Variants in GPRC5A observed in about 807,000 individuals in gnomAD.
GPRC5A encodes the protein retinoic acid-induced protein 3.
A neutral mutation model predicts 22.5 loss-of-function variants in GPRC5A; 19 were observed. The observed-to-expected ratio is 0.85, with a 90% CI of 0.59 to 1.24. The LOEUF (loss-of-function observed/expected upper bound fraction) is 1.24. GPRC5A is among the 50% of genes most tolerant of loss of function. The pLI, the probability that GPRC5A is intolerant of heterozygous loss-of-function variation, is 0.00. For missense variants in GPRC5A, 471 were observed against 451.1 expected, an observed-to-expected ratio of 1.04 and a Z score of -0.40; for synonymous variants, 192 against 184.5, an observed-to-expected ratio of 1.04 and a Z score of -0.33.
At chr12:12,892,923 CA>C (rs1863778589) in intron 1 of GPRC5A, among the ~76,000 whole-genome samples, 1 of 152,054 alleles carries the variant, frequency 6.6e-6, no homozygotes, top group African/African-American at 2.4e-5. Context: ...GCGGAGGGGG[CA>C]CACACCCTCC....
intron 1 of GPRC5A, among the ~76,000 whole-genome samples, chr12:12,905,704 T>C (rs850937): frequency 0.5 from 76,065 of 152,016 alleles, 19,990 homozygotes; most frequent in East Asian, 0.89. Flanking sequence ...TTCCCACTTG[T>C]GCCCTGAATC....
intron 1 of GPRC5A, among the ~76,000 whole-genome samples, chr12:12,905,542 A>T (rs951235632): frequency 2.6e-5 from 4 of 152,394 alleles, no homozygotes; most frequent in Admixed American, 2.6e-4. Context: ...CAATAAAATA[A>T]TTTGAATGAA....
At chr12:12,895,794 A>G (rs1863816419) in intron 1 of GPRC5A, among the ~76,000 whole-genome samples, 1 of 139,538 alleles carries the variant, frequency 7.2e-6, no homozygotes. Context: ...TGACTAACAC[A>G]GTGAAACTCT....
rs34696528 is a variant in GPRC5A at position 12,895,821 on chromosome 12, C to CAAAAAA, written c.-8+4174_-8+4179dup. Among the ~76,000 whole-genome samples, 147 of 75,622 alleles carry CAAAAAA rather than the reference C, an allele frequency of 1.9e-3. 1 individual carries two copies. The highest frequency in any genetic ancestry group is 3.9e-3 in the South Asian group (7 of 1,812). 49.6% of individuals were successfully genotyped at this position (75,622 alleles called of 152,430 possible). ...TGAAACTCTGTCTCTACTAAAAATA[C>CAAAAAA]AAAAAAAAAAAAAAAAAAAAAATTA... On this transcript the variant is annotated intron_variant, in intron 1 of 3. Transcript: ENST00000014914.
At chr12:12,892,550 A>G (rs2136453604) in intron 1 of GPRC5A, among the ~76,000 whole-genome samples, 1 of 152,176 alleles carries the variant, frequency 6.6e-6, no homozygotes, top group South Asian at 2.1e-4. Flanking sequence ...TATTTTTAGT[A>G]GAGACGGGGT....
chr12:12,900,914 C>CAAAA (rs55937595), intron 1 of GPRC5A, among the ~76,000 whole-genome samples: 1 of 89,748 alleles, frequency 1.1e-5, no homozygotes, highest in African/African-American at 4.6e-5. Flanking sequence ...AAAAAAAAAA[C>CAAAA]AAAAAAAAAA....
At position 12,912,641 on chromosome 12, in the gene GPRC5A, G is replaced by T; in HGVS notation, c.*102G>T. Reference sequence around the variant, plus strand: ...TGAGTCTTCTGAGAAAACTGTACAAGACACTACGGGAACAGTTTGCCTCCC... The same window carrying T: ...TGAGTCTTCTGAGAAAACTGTACAATACACTACGGGAACAGTTTGCCTCCC... On this transcript the variant is annotated 3_prime_UTR_variant, in exon 4 of 4. Coordinates refer to ENST00000014914, the MANE Select transcript of GPRC5A (RefSeq NM_003979.4). 1.4e-6 allele frequency: 1 copy of T among 731,600 alleles called. No homozygotes were observed. Among genetic ancestry groups the T allele is most frequent in the East Asian group, 2.5e-5 (1 of 40,054 alleles). 45.3% of individuals were successfully genotyped at this position (731,600 alleles called of 1,614,324 possible).
rs762264623 is a variant in GPRC5A, at chr12:12,915,813, GC to G, written c.*3278del. On this transcript the variant is annotated 3_prime_UTR_variant, in exon 4 of 4. Coordinates refer to ENST00000014914, the MANE Select transcript of GPRC5A (RefSeq NM_003979.4). ...TTACAGGCATGAGCCACCGCGCCCG[GC>G]CCCGTTGTTTCCCTTCTAAGAAACG... 6 of 513,610 alleles carry G rather than the reference GC, an allele frequency of 1.2e-5. No individual in the cohort carries two copies. Among genetic ancestry groups the G allele is most frequent in the African/African-American group, 7.8e-5 (4 of 51,400 alleles). 31.8% of individuals were successfully genotyped at this position (513,610 alleles called of 1,614,324 possible).
intron 1 of GPRC5A, among the ~76,000 whole-genome samples, chr12:12,899,741 G>C (rs1210036659): frequency 6.6e-6 from 1 of 152,174 alleles, no homozygotes; most frequent in East Asian, 1.9e-4. Flanking sequence ...TATTACTACT[G>C]ACTGAATGTA....
intron 1 of GPRC5A, among the ~76,000 whole-genome samples, chr12:12,893,911 G>C (rs964867214): frequency 6.6e-6 from 1 of 152,070 alleles, no homozygotes; most frequent in African/African-American, 2.4e-5. Flanking sequence ...ACAGGCGCCC[G>C]CTACCACGCC....
intron 1 of GPRC5A, among the ~76,000 whole-genome samples, chr12:12,896,400 G>A (rs1490888998): frequency 6.6e-6 from 1 of 152,184 alleles, no homozygotes; most frequent in African/African-American, 2.4e-5. Flanking sequence ...TGTCATCAGA[G>A]TTGGGATGGC....
intron 1 of GPRC5A, among the ~76,000 whole-genome samples, chr12:12,895,067 C>A (rs186456379): frequency 6.6e-6 from 1 of 152,260 alleles, no homozygotes; most frequent in South Asian, 2.1e-4. Context: ...CGTGAGCCAC[C>A]GTGCCCGGCC....
chr12:12,910,014 G>C (rs950544762), intron 2 of GPRC5A: 1 of 150,454 alleles, frequency 6.6e-6, no homozygotes, highest in African/African-American at 2.4e-5. Context: ...AGATGTTCTC[G>C]TGTTGTTTTC....
chr12:12,893,278 C>T (rs1207685843), intron 1 of GPRC5A, among the ~76,000 whole-genome samples: 3 of 152,210 alleles, frequency 2.0e-5, no homozygotes, highest in African/African-American at 7.2e-5. Context: ...TGGAAGTTCC[C>T]TTTAGAACTG....
intron 2 of GPRC5A, 171 bp downstream of exon 2, chr12:12,909,342 C>G (rs1412236794): frequency 1.7e-6 from 1 of 580,276 alleles, no homozygotes. Flanking sequence ...CTGTTAGAGA[C>G]AAGTAGAACA....
chr12:12,911,645 C>A (rs963955511), intron 2 of GPRC5A, among the ~76,000 whole-genome samples: 1 of 152,024 alleles, frequency 6.6e-6, no homozygotes, highest in African/African-American at 2.4e-5. Context: ...CCCGCCACCA[C>A]GCCTGGCTAA....
intron 1 of GPRC5A, among the ~76,000 whole-genome samples, chr12:12,906,847 C>T (rs850934): frequency 0.5 from 75,338 of 151,748 alleles, 19,640 homozygotes; most frequent in East Asian, 0.89. Flanking sequence ...AACCTGAGGT[C>T]GGGAGTTTGA....
At chr12:12,902,143 C>T (rs1863894761) in intron 1 of GPRC5A, among the ~76,000 whole-genome samples, 1 of 152,182 alleles carries the variant, frequency 6.6e-6, no homozygotes, top group Admixed American at 6.5e-5. Flanking sequence ...CAACATGGCA[C>T]CCTTTCAGTG....
At chr12:12,908,178 T>C in intron 1 of GPRC5A, 65 bp from the exon 2 acceptor site, 1 of 1,110,966 alleles carries the variant, frequency 9.0e-7, no homozygotes, top group Non-Finnish European at 1.3e-6. Flanking sequence ...TTTAGTCTTC[T>C]GTGTCTGAGG....
Sources: allele counts gnomAD v4.1 joint callset (sites outside exome capture counted in the v4.1 genomes callset), GRCh38; gene constraint gnomAD v4.1.1; transcripts MANE v1.5; gene names NCBI Gene and HGNC (gene_info 2026-07-23, HGNC 2026-07-21).